TCP11L2: variants seen among roughly 807,000 people sequenced by gnomAD.
TCP11L2 encodes the protein t-complex 11 like 2.
In TCP11L2, 39 loss-of-function variants were observed where a neutral mutation model predicts 50.7. That is an observed-to-expected ratio of 0.77 (90% CI 0.60 to 1.01). The LOEUF (loss-of-function observed/expected upper bound fraction) is 1.01, where lower values mean the gene tolerates loss of function less well. Ranked by LOEUF, TCP11L2 falls within the 50% of genes least tolerant of loss-of-function variation. The pLI, the probability that TCP11L2 is intolerant of heterozygous loss-of-function variation, is 0.00. For synonymous variants in TCP11L2, 192 were observed against 219.3 expected, an observed-to-expected ratio of 0.88 and a Z score of 1.10; for missense variants, 612 against 614.7, an observed-to-expected ratio of 1.00 and a Z score of 0.05.
chr12:106,336,039 T>C lies in TCP11L2; in HGVS notation c.968T>C (p.Met323Thr), dbSNP rs751607534. 23 of 1,609,124 alleles carry C rather than the reference T, an allele frequency of 1.4e-5. No individual in the cohort carries two copies. Among genetic ancestry groups the C allele is most frequent in the Middle Eastern group, 1.7e-4 (1 of 6,038 alleles). Reference sequence around the variant, plus strand: ...TTTAAATAAATATGTTAGACACTTATGACAGATGGAGCACGTCTTCAGGAA... The same window carrying C: ...TTTAAATAAATATGTTAGACACTTACGACAGATGGAGCACGTCTTCAGGAA... ...YQKKELPETL[M>T]TDGARLQELT... is the part of the protein sequence containing the mutation. Residue 323 changes from methionine to threonine, a missense_variant, in exon 8 of 10, where the codon ATG becomes ACG. Physicochemically the swap from Met to Thr is moderately conservative, Grantham distance 81. Coordinates refer to ENST00000299045, the MANE Select transcript of TCP11L2 (RefSeq NM_152772.3).
chr12:106,327,641 A>G (rs1383326828), intron 6 of TCP11L2, among the ~76,000 whole-genome samples: 1 of 152,236 alleles, frequency 6.6e-6, no homozygotes, highest in African/African-American at 2.4e-5. Flanking sequence ...AGCAGAGTGT[A>G]TGTCAGCTGT....
At chr12:106,315,249 A>AAC (rs577195933) in intron 3 of TCP11L2, among the ~76,000 whole-genome samples, 21 of 149,666 alleles carry the variant, frequency 1.4e-4, no homozygotes, top group African/African-American at 4.9e-4. Flanking sequence ...CAAAAACAAA[A>AAC]ACAAACAAAC....
rs754183733 is a variant in TCP11L2, at chr12:106,336,221, C to G, written c.1142+8C>G. 4 of 1,599,972 alleles carry G rather than the reference C, an allele frequency of 2.5e-6. No homozygotes were observed. The East Asian group carries it at 8.9e-5, about 36-fold the overall frequency. ...TGAAGGCATGAACAAAGAGTAAGTT[C>G]CAAATTTTTGCATCTGCTCCCTCTT... On this transcript the variant is annotated splice_region_variant and intron_variant, in intron 8 of 9. Transcript: ENST00000299045.
intron 5 of TCP11L2, 124 bp from the exon 6 acceptor site, chr12:106,323,386 G>T: frequency 1.3e-6 from 1 of 749,104 alleles, no homozygotes; most frequent in East Asian, 3.1e-5. Flanking sequence ...CTACCAAATG[G>T]CAATTGGAAC....
intron 8 of TCP11L2, among the ~76,000 whole-genome samples, chr12:106,336,730 T>G (rs1485825214): frequency 6.6e-6 from 1 of 152,064 alleles, no homozygotes; most frequent in Non-Finnish European, 1.5e-5. Context: ...TTTTTGTATT[T>G]TTAGTAGAGA....
At position 106,346,321 on chromosome 12, in the gene TCP11L2, T is replaced by G; in HGVS notation, c.1351T>G (p.Cys451Gly). 1 of 1,613,348 alleles carries G rather than the reference T, an allele frequency of 6.2e-7. No homozygotes were observed. The highest frequency in any genetic ancestry group is 8.5e-7 in the Non-Finnish European group (1 of 1,179,470). The change falls in exon 10 of 10, where the codon TGT (cysteine) becomes GGT (glycine). Residue 451 changes from cysteine (C) to glycine (G), a missense_variant. Transcript: ENST00000299045. ...RIKLYMRRLL[C>G]LPSPQKCMPP... ...TAAGCTTTACATGAGAAGGCTACTT[T>G]GTCTTCCAAGCCCTCAAAAATGCAT... is the stretch of plus-strand genomic sequence containing the variant.
At position 106,312,471 on chromosome 12, in the gene TCP11L2, G is replaced by A. The variant is rs373857868; in HGVS notation, c.157+1239G>A. On this transcript the variant is annotated intron_variant, in intron 2 of 9. Coordinates refer to ENST00000299045, the MANE Select transcript of TCP11L2 (RefSeq NM_152772.3). ...TTTTCTCACTCTTTATACTGTATGT[G>A]GTGTTGTTGCATCTGACACCAGGGT... 87 of 1,060,640 alleles carry A rather than the reference G, an allele frequency of 8.2e-5. 1 individual carries two copies. In the East Asian group the frequency reaches 4.4e-3, roughly 54 times the overall value. The allele number at this position is 1,060,640 out of a possible 1,614,324, so 65.7% of individuals were successfully genotyped here.
At chr12:106,301,916 C>T (rs759530947), upstream of TCP11L2, 3 of 152,256 alleles carry the variant, frequency 2.0e-5, no homozygotes, top group Non-Finnish European at 4.4e-5. Context: ...AAGTAAGACG[C>T]TTTATCTTTT....
At chr12:106,312,538 C>T (rs2034902488) in intron 2 of TCP11L2, 1 of 546,910 alleles carries the variant, frequency 1.8e-6, no homozygotes, top group African/African-American at 2.1e-5. Flanking sequence ...TTCTGTGTAT[C>T]ACCTTTCTCT....
intron 3 of TCP11L2, among the ~76,000 whole-genome samples, chr12:106,317,838 T>C (rs2035158375): frequency 6.6e-6 from 1 of 152,162 alleles, no homozygotes; most frequent in Non-Finnish European, 1.5e-5. Flanking sequence ...TTGTGAGCTC[T>C]TCCTAGGAAG....
intron 1 of TCP11L2, among the ~76,000 whole-genome samples, chr12:106,306,981 A>C (rs944775000): frequency 7.2e-5 from 11 of 152,206 alleles, no homozygotes; most frequent in African/African-American, 2.4e-4. Flanking sequence ...GCAGAAAGGA[A>C]ATCAGGAAGT....
chr12:106,335,185 C>T (rs1186059383), intron 6 of TCP11L2, among the ~76,000 whole-genome samples: 1 of 152,192 alleles, frequency 6.6e-6, no homozygotes, highest in Non-Finnish European at 1.5e-5. Flanking sequence ...AAATCTTTCA[C>T]CTTTTACCAA....
chr12:106,332,128 C>T (rs2035768516), intron 6 of TCP11L2, among the ~76,000 whole-genome samples: 1 of 152,176 alleles, frequency 6.6e-6, no homozygotes, highest in African/African-American at 2.4e-5. Flanking sequence ...ACTTGGGAGC[C>T]ATTTGCTATA....
upstream of TCP11L2, among the ~76,000 whole-genome samples, chr12:106,300,420 C>A (rs1273271736): frequency 6.6e-6 from 1 of 152,204 alleles, no homozygotes; most frequent in Admixed American, 6.5e-5. Flanking sequence ...ACCTCCACCT[C>A]CCAGGTTCAA....
chr12:106,338,284 ATAGT>A (rs2035985135), intron 8 of TCP11L2, among the ~76,000 whole-genome samples: 1 of 152,166 alleles, frequency 6.6e-6, no homozygotes, highest in African/African-American at 2.4e-5. Flanking sequence ...GGTAGTGAGC[ATAGT>A]TAGTTTTTCA....
At chr12:106,329,801 G>T in intron 6 of TCP11L2, 2 of 988,994 alleles carry the variant, frequency 2.0e-6, no homozygotes, top group Non-Finnish European at 2.4e-6. Flanking sequence ...CGCTCTCTCA[G>T]TTGGATGTCT....
intron 9 of TCP11L2, among the ~76,000 whole-genome samples, chr12:106,342,543 T>A (rs1226730177): frequency 6.6e-6 from 1 of 152,162 alleles, no homozygotes; most frequent in African/African-American, 2.4e-5. Flanking sequence ...TGCCCAGCAG[T>A]CTCTGCAGCA....
chr12:106,313,764 A>ATTTTTT (rs34867730), intron 2 of TCP11L2, among the ~76,000 whole-genome samples: 1 of 113,890 alleles, frequency 8.8e-6, no homozygotes, highest in Non-Finnish European at 1.7e-5. Context: ...AGGTAATTTA[A>ATTTTTT]TTTTTTTTTT....
chr12:106,333,011 C>T (rs750188624), intron 6 of TCP11L2, among the ~76,000 whole-genome samples: 1 of 151,994 alleles, frequency 6.6e-6, no homozygotes, highest in African/African-American at 2.4e-5. Context: ...TGGGAGGTAA[C>T]GTGAGGAGAT....
Sources: gnomAD v4.1 joint callset for allele counts (sites outside exome capture counted in the v4.1 genomes callset) on GRCh38, gnomAD v4.1.1 for gene constraint, MANE v1.5 for transcripts, NCBI Gene and HGNC (gene_info 2026-07-23, HGNC 2026-07-21) for gene names.